SLC25A26: variants seen among roughly 807,000 people sequenced by gnomAD.
SLC25A26 encodes the protein solute carrier family 25 member 26, also known as mitochondrial S-adenosylmethionine carrier protein.
In SLC25A26, 36 loss-of-function variants were observed where a neutral mutation model predicts 37.8. That is an observed-to-expected ratio of 0.95 (90% CI 0.73 to 1.26). The LOEUF (loss-of-function observed/expected upper bound fraction) is 1.26, where lower values mean the gene tolerates loss of function less well. Ranked by LOEUF, SLC25A26 falls within the 50% of genes most tolerant of loss-of-function variation. The pLI, the probability that SLC25A26 is intolerant of heterozygous loss-of-function variation, is 0.00. For synonymous variants in SLC25A26, 129 were observed against 122.5 expected (o/e 1.05, Z -0.35); for missense variants, 390 against 331.1 (o/e 1.18, Z -1.38).
intron 1 of SLC25A26, among the ~76,000 whole-genome samples, chr3:66,231,708 G>A (rs896144770): frequency 2.6e-5 from 4 of 151,046 alleles, no homozygotes; most frequent in African/African-American, 9.7e-5. Flanking sequence ...TAGCTAATTT[G>A]ATTAATTTAA....
intron 5 of SLC25A26, among the ~76,000 whole-genome samples, chr3:66,340,263 A>G (rs1195751287): frequency 6.6e-6 from 1 of 152,096 alleles, no homozygotes; most frequent in African/African-American, 2.4e-5. Context: ...TACTTTTGAA[A>G]TCAGAAAGTA....
At chr3:66,273,321 G>T in intron 5 of SLC25A26, among the ~76,000 whole-genome samples, 2 of 152,108 alleles carry the variant, frequency 1.3e-5, no homozygotes, top group Non-Finnish European at 2.9e-5. Flanking sequence ...ATGAGTTAGG[G>T]AGGATTCCCT....
intron 3 of SLC25A26, among the ~76,000 whole-genome samples, chr3:66,249,277 G>C (rs2072984040): frequency 6.6e-6 from 1 of 152,148 alleles, no homozygotes; most frequent in Admixed American, 6.5e-5. Flanking sequence ...CTTGTTTTAT[G>C]GTTTAGCTCC....
At chr3:66,247,194 G>A (rs1161963997) in intron 3 of SLC25A26, among the ~76,000 whole-genome samples, 1 of 152,000 alleles carries the variant, frequency 6.6e-6, no homozygotes, top group African/African-American at 2.4e-5. Flanking sequence ...CAATTGGTCA[G>A]CAGTGGGTAC....
At chr3:66,375,400 TAGA>T (rs1265641560) in intron 9 of SLC25A26, among the ~76,000 whole-genome samples, 2 of 152,254 alleles carry the variant, frequency 1.3e-5, no homozygotes, top group South Asian at 2.1e-4. Context: ...AGCCTTCGAT[TAGA>T]AGAAGATGCC....
intron 1 of SLC25A26, among the ~76,000 whole-genome samples, chr3:66,228,005 T>TA (rs2071836875): frequency 6.6e-6 from 1 of 152,250 alleles, no homozygotes. Flanking sequence ...TCCAAATTTA[T>TA]AAAAAATTGA....
chr3:66,211,634 G>A (rs2071284875), intron 1 of SLC25A26, among the ~76,000 whole-genome samples: 3 of 152,252 alleles, frequency 2.0e-5, no homozygotes, highest in Admixed American at 1.3e-4. Flanking sequence ...TTGCTGTGAT[G>A]TGACCAGTTG....
intron 5 of SLC25A26, among the ~76,000 whole-genome samples, chr3:66,319,920 AT>A (rs1255702547): frequency 6.6e-6 from 1 of 151,726 alleles, no homozygotes; most frequent in Non-Finnish European, 1.5e-5. Context: ...CGCCTGGCTA[AT>A]TTTTTAGTAG....
At chr3:66,349,571 G>A (rs1448108389) in intron 6 of SLC25A26, among the ~76,000 whole-genome samples, 1 of 151,924 alleles carries the variant, frequency 6.6e-6, no homozygotes, top group Non-Finnish European at 1.5e-5. Flanking sequence ...TATTCCATAT[G>A]TGTATGGATA....
intron 1 of SLC25A26, among the ~76,000 whole-genome samples, chr3:66,195,299 A>G (rs939502343): frequency 1.3e-5 from 2 of 152,108 alleles, no homozygotes; most frequent in Admixed American, 6.5e-5. Context: ...TCTTTGGGGG[A>G]AAAGCCCCCT....
At chr3:66,234,239 C>T (rs2072168640) in intron 1 of SLC25A26, among the ~76,000 whole-genome samples, 1 of 152,310 alleles carries the variant, frequency 6.6e-6, no homozygotes, top group East Asian at 1.9e-4. Flanking sequence ...ATTACAGGTA[C>T]ATACCACCAT....
intron 6 of SLC25A26, among the ~76,000 whole-genome samples, chr3:66,351,005 T>C (rs774724214): frequency 4.6e-5 from 7 of 152,134 alleles, no homozygotes; most frequent in Non-Finnish European, 1.0e-4. Context: ...AAACATCTTA[T>C]AGTGTTCAGA....
chr3:66,222,273 C>T (rs954163382), intron 1 of SLC25A26, among the ~76,000 whole-genome samples: 3 of 151,326 alleles, frequency 2.0e-5, no homozygotes, highest in East Asian at 3.9e-4. Flanking sequence ...CTCCACCTCT[C>T]GGGTTCACGC....
At chr3:66,225,520 T>C (rs1004779826) in intron 1 of SLC25A26, among the ~76,000 whole-genome samples, 5 of 152,144 alleles carry the variant, frequency 3.3e-5, no homozygotes, top group Non-Finnish European at 1.5e-5. Context: ...CTCCAGAGCC[T>C]GTGATGGGAG....
At chr3:66,333,207 T>C (rs535863224) in intron 5 of SLC25A26, among the ~76,000 whole-genome samples, 8 of 152,328 alleles carry the variant, frequency 5.3e-5, no homozygotes, top group African/African-American at 1.9e-4. Flanking sequence ...AGGTCTTTCT[T>C]TGGCCCAAGC....
At chr3:66,279,837 C>T (rs962195130) in intron 5 of SLC25A26, among the ~76,000 whole-genome samples, 1 of 152,096 alleles carries the variant, frequency 6.6e-6, no homozygotes, top group Admixed American at 6.6e-5. Context: ...GTAAGTCTTT[C>T]CTATTATCAG....
chr3:66,313,735 A>T (rs2075449554), intron 5 of SLC25A26, among the ~76,000 whole-genome samples: 1 of 152,100 alleles, frequency 6.6e-6, no homozygotes, highest in Non-Finnish European at 1.5e-5. Flanking sequence ...TGTAATACTG[A>T]TTCTTCCTAT....
In SLC25A26 at chr3:66,378,055, TTAA is replaced by T; in HGVS notation, c.*252_*254del. The T allele has an allele frequency of 2.5e-6, 1 of 396,912 alleles. No individual in the cohort carries two copies. Among genetic ancestry groups the T allele is most frequent in the Non-Finnish European group, 4.5e-6 (1 of 220,420 alleles). The allele number at this position is 396,912 out of a possible 1,614,324, so 24.6% of individuals were successfully genotyped here. A position where few individuals can be genotyped will look rare whatever the true frequency, so the allele number is the denominator to read the frequency against. On this transcript the variant is annotated 3_prime_UTR_variant, in exon 10 of 10. Transcript: ENST00000354883. ...CTCTGAACAATTTCCTCAGAACCTC[TTAA>T]TAAATAAGTTTGGTAATGCTGAGGC...
At chr3:66,351,941 G>C (rs2076462787) in intron 6 of SLC25A26, among the ~76,000 whole-genome samples, 1 of 152,068 alleles carries the variant, frequency 6.6e-6, no homozygotes, top group Non-Finnish European at 1.5e-5. Flanking sequence ...ACAGCAGCCA[G>C]AGTGATCTTT....
Sources: gnomAD v4.1 joint callset for allele counts (sites outside exome capture counted in the v4.1 genomes callset) on GRCh38, gnomAD v4.1.1 for gene constraint, MANE v1.5 for transcripts, NCBI Gene and HGNC (gene_info 2026-07-23, HGNC 2026-07-21) for gene names.